NBPF19: variants seen among roughly 807,000 people sequenced by gnomAD.
The protein encoded by NBPF19 is NBPF member 19, also known as NBPF family member NBPF19.
In NBPF19, 30 loss-of-function variants were observed where a neutral mutation model predicts 45.9. The observed-to-expected ratio is 0.65, with a 90% CI of 0.49 to 0.89. The LOEUF (loss-of-function observed/expected upper bound fraction) is 0.89. Ranked by LOEUF, NBPF19 falls within the 40% of genes least tolerant of loss-of-function variation. The pLI is 0.00. For missense variants in NBPF19, 495 were observed against 471.8 expected (o/e 1.05, Z -0.46); for synonymous variants, 183 against 181.2 (o/e 1.01, Z -0.08).
chr1:149,487,942 T>G lies in NBPF19; in HGVS notation c.1041-71T>G, dbSNP rs1460242166. On this transcript the variant is annotated intron_variant, in intron 9 of 93. Transcript: ENST00000651566. The stretch of plus-strand genomic sequence containing the variant: ...TTCAAACTCTTCCTTATGTTAGCCA[T>G]GAAATCTAGCTGGGGCTGTGTGGTT... The G allele has an allele frequency of 5.6e-6, 4 of 717,524 alleles. No homozygotes were observed. The African/African-American group carries it at 7.1e-5, about 13-fold the overall frequency. The allele number at this position is 717,524 out of a possible 1,614,324, so 44.4% of individuals were successfully genotyped here.
In NBPF19 at chr1:149,554,715, A is replaced by G; in HGVS notation, c.11509A>G (p.Met3837Val). The part of the protein sequence containing the change: ...TVTSLHLVFQ[M>V]LVIFPQ ...GACAAGTCTCCATCTGGTGTTCCAG[A>G]TGTTAGTCATATTCCCACAATAGGC... Residue 3837 changes from methionine to valine, a missense_variant, in exon 94 of 94, where the codon ATG (methionine) becomes GTG (valine). By Grantham distance (21) the Met-to-Val change is conservative. Transcript: ENST00000651566. 1 of 1,608,202 alleles carries G rather than the reference A, an allele frequency of 6.2e-7. No homozygotes were observed. Among genetic ancestry groups the G allele is most frequent in the Non-Finnish European group, 8.5e-7 (1 of 1,176,686 alleles).
Position 149,487,589 on chromosome 1 carries a change from A to G in NBPF19, c.1040+206A>G, listed in dbSNP as rs1333071086. Among the ~76,000 whole-genome samples the G allele has an allele frequency of 1.8e-3, 273 of 150,708 alleles. 6 individuals carry two copies. The highest frequency in any genetic ancestry group is 2.1e-3 in the Non-Finnish European group (143 of 67,474). ...CCTTATCATTTACTAACCTAGTGAA[A>G]GTTGACCATACCTCAAAAGCTGTAT... On this transcript the variant is annotated intron_variant, in intron 9 of 93. Coordinates refer to ENST00000651566, the MANE Select transcript of NBPF19 (RefSeq NM_001351365.2).
At chr1:149,477,049 A>C (rs1412353361) in intron 2 of NBPF19, among the ~76,000 whole-genome samples, 2 of 150,590 alleles carry the variant, frequency 1.3e-5, no homozygotes, top group African/African-American at 2.4e-5. Flanking sequence ...TAAAGAGGAA[A>C]GATCACACCG....
Position 149,478,911 on chromosome 1 carries a change from C to T in NBPF19, c.310C>T (p.Arg104Ter), listed in dbSNP as rs1430473433. The T allele has an allele frequency of 1.4e-4, 232 of 1,606,278 alleles. 1 individual carries two copies. The highest frequency in any genetic ancestry group is 1.4e-3 in the East Asian group (63 of 44,818). The change falls in exon 4 of 94, where the codon CGA becomes TGA. Residue 104 changes from arginine to a stop codon, truncating the protein, a stop_gained. Coordinates refer to ENST00000651566, the MANE Select transcript of NBPF19 (RefSeq NM_001351365.2). LOFTEE classifies it high-confidence loss of function. ...TAAAGTCCTGTTTCACTCTCAGGAACGAGAGCTGACCCAGTTAAGGGAGAA... is the reference window on the plus strand; with the variant it reads ...TAAAGTCCTGTTTCACTCTCAGGAATGAGAGCTGACCCAGTTAAGGGAGAA... ...QYKVLFHSQE[R>*]ELTQLREKLR...
intron 9 of NBPF19, 97 bp downstream of exon 9, chr1:149,487,480 T>C: frequency 1.0e-6 from 1 of 987,196 alleles, no homozygotes; most frequent in Non-Finnish European, 1.6e-6. Flanking sequence ...TGATTTTGTC[T>C]TGTCAGACAA....
At chr1:149,487,809 G>GTGTT (rs2085687080) in intron 9 of NBPF19, among the ~76,000 whole-genome samples, 2 of 149,596 alleles carry the variant, frequency 1.3e-5, no homozygotes, top group African/African-American at 5.0e-5. Context: ...GTGTGTGTGT[G>GTGTT]TGTGTGTGTG....
rs2085650147 is a variant in NBPF19 at position 149,487,659 on chromosome 1, T to G, written c.1040+276T>G. Among the ~76,000 whole-genome samples the G allele has an allele frequency of 2.0e-5, 3 of 150,142 alleles. 1 individual carries two copies. Among genetic ancestry groups the G allele is most frequent in the Non-Finnish European group, 4.5e-5 (3 of 67,264 alleles). On this transcript the variant is annotated intron_variant, in intron 9 of 93. Transcript: ENST00000651566. ...AAACTTGAGCACATTTTATGCAAAA[T>G]TATTGAGGACATGCTTTTCATGATC...
chr1:149,555,761 CAAT>C lies in NBPF19; in HGVS notation c.*1024_*1026del, dbSNP rs1308001110. On this transcript the variant is annotated 3_prime_UTR_variant, in exon 94 of 94. Coordinates refer to ENST00000651566, the MANE Select transcript of NBPF19 (RefSeq NM_001351365.2). Reference sequence around the variant, plus strand: ...TAGAGGACAGGTCAGCTCTCTGGCTCAATGATCTACATTCTGAAGTTGTCTGAA... The same window carrying C: ...TAGAGGACAGGTCAGCTCTCTGGCTCGATCTACATTCTGAAGTTGTCTGAA... 1 of 151,104 alleles carries C rather than the reference CAAT, an allele frequency of 6.6e-6. No homozygotes were observed. The highest frequency in any genetic ancestry group is 2.4e-5 in the African/African-American group (1 of 41,190). 9.4% of individuals were successfully genotyped at this position (151,104 alleles called of 1,614,324 possible). A position where few individuals can be genotyped will look rare whatever the true frequency, so the allele number is the denominator to read the frequency against.
rs1363084782 is a variant in NBPF19, at chr1:149,487,643, C to G, written c.1040+260C>G. Among the ~76,000 whole-genome samples the G allele has an allele frequency of 1.4e-3, 204 of 150,538 alleles. 1 individual carries two copies. The highest frequency in any genetic ancestry group is 4.7e-3 in the African/African-American group (191 of 41,020). ...CATGGTAACTGCAGGGAAACTTGAG[C>G]ACATTTTATGCAAAATTATTGAGGA... On this transcript the variant is annotated intron_variant, in intron 9 of 93. Coordinates refer to ENST00000651566, the MANE Select transcript of NBPF19 (RefSeq NM_001351365.2).
intron 7 of NBPF19, among the ~76,000 whole-genome samples, chr1:149,483,655 G>T (rs1330094740): frequency 6.9e-6 from 1 of 145,728 alleles, no homozygotes; most frequent in Non-Finnish European, 1.5e-5. Context: ...GCATGTTTTT[G>T]CAGTGGCTGG....
intron 7 of NBPF19, among the ~76,000 whole-genome samples, chr1:149,484,552 T>C (rs1255734359): frequency 1.4e-5 from 2 of 144,204 alleles, no homozygotes; most frequent in Admixed American, 1.4e-4. Context: ...AAACTATACA[T>C]ATGGAAAAAA....
chr1:149,487,600 C>A (rs1255034816), intron 9 of NBPF19, among the ~76,000 whole-genome samples: 3 of 150,656 alleles, frequency 2.0e-5, no homozygotes, highest in Non-Finnish European at 3.0e-5. Flanking sequence ...GTTGACCATA[C>A]CTCAAAAGCT....
rs1210400265 is a variant in NBPF19 at position 149,554,742 on chromosome 1, GC to G, written c.*7del. 6.2e-7 allele frequency: 1 copy of G among 1,607,940 alleles called. No individual in the cohort carries two copies. Among genetic ancestry groups the G allele is most frequent in the Non-Finnish European group, 8.5e-7 (1 of 1,176,560 alleles). On this transcript the variant is annotated 3_prime_UTR_variant, in exon 94 of 94. Coordinates refer to ENST00000651566, the MANE Select transcript of NBPF19 (RefSeq NM_001351365.2). ...GTTAGTCATATTCCCACAATAGGCA[GC>G]CCTTACTAAGCCGAGAGATGTCATT... is the stretch of plus-strand genomic sequence containing the variant.
At chr1:149,487,661 A>G (rs1216438963) in intron 9 of NBPF19, among the ~76,000 whole-genome samples, 4,616 of 150,096 alleles carry the variant, frequency 0.031, 320 homozygotes, top group East Asian at 0.24. Flanking sequence ...ATGCAAAATT[A>G]TTGAGGACAT....
chr1:149,554,632 A>G lies in NBPF19; in HGVS notation c.11426A>G (p.Glu3809Gly). 3.1e-6 allele frequency: 5 copies of G among 1,608,346 alleles called. 1 individual carries two copies. Among genetic ancestry groups the G allele is most frequent in the Non-Finnish European group, 4.2e-6 (5 of 1,176,776 alleles). The change falls in exon 94 of 94, where the codon GAG (glutamate) becomes GGG (glycine). Residue 3809 changes from glutamate to glycine, a missense_variant. Glu to Gly is a moderately conservative substitution (Grantham distance 98). Around this residue, in one of 8 missense-constraint regions of NBPF19, gnomAD observed 248 missense variants for 95.4 expected, o/e 2.60. Coordinates refer to ENST00000651566, the MANE Select transcript of NBPF19 (RefSeq NM_001351365.2). The stretch of plus-strand genomic sequence containing the variant: ...TACAGAAGTGTGTTTTACTCATTTG[A>G]GGAAGAGCATATCAGCTTCGCCCTT... Reference protein sequence around the residue: ...QHYRSVFYSFEEEHISFALYL... With the variant: ...QHYRSVFYSFGEEHISFALYL...
chr1:149,484,501 AAT>A (rs1553710000), intron 7 of NBPF19, among the ~76,000 whole-genome samples: 3 of 140,574 alleles, frequency 2.1e-5, no homozygotes, highest in Admixed American at 7.3e-5. Context: ...TATTAAAAAA[AAT>A]ATATATATAT....
chr1:149,487,743 G>T (rs1446764682), intron 9 of NBPF19, among the ~76,000 whole-genome samples: 9 of 149,856 alleles, frequency 6.0e-5, no homozygotes, highest in African/African-American at 2.2e-4. Flanking sequence ...TCCCTCATCA[G>T]TGTGTCACCT....
rs1341582511 is a variant in NBPF19 at position 149,488,159 on chromosome 1, G to A, written c.1187G>A (p.Arg396His). The change falls in exon 10 of 94, where the codon CGT becomes CAT. Residue 396 changes from arginine to histidine, a missense_variant. Transcript: ENST00000651566. ...RSAFYVLEQQ[R>H]VGLAIDMDEI... ...GCCTTTTACGTATTGGAGCAACAGCGTGTTGGCTTGGCTATTGACATGGAT... is the reference window on the plus strand; with the variant it reads ...GCCTTTTACGTATTGGAGCAACAGCATGTTGGCTTGGCTATTGACATGGAT... The A allele has an allele frequency of 3.7e-5, 25 of 677,100 alleles. No individual in the cohort carries two copies. Among genetic ancestry groups the A allele is most frequent in the East Asian group, 1.4e-4 (5 of 36,506 alleles). The allele number at this position is 677,100 out of a possible 1,614,324, so 41.9% of individuals were successfully genotyped here. A position where few individuals can be genotyped will look rare whatever the true frequency, so the allele number is the denominator to read the frequency against.
chr1:149,554,716 T>G lies in NBPF19; in HGVS notation c.11510T>G (p.Met3837Arg). 6.2e-7 allele frequency: 1 copy of G among 1,608,296 alleles called. No individual in the cohort carries two copies. The highest frequency in any genetic ancestry group is 8.5e-7 in the Non-Finnish European group (1 of 1,176,708). Residue 3837 changes from methionine to arginine, a missense_variant, in exon 94 of 94, where the codon ATG becomes AGG. Met to Arg is a moderately conservative substitution (Grantham distance 91). Coordinates refer to ENST00000651566, the MANE Select transcript of NBPF19 (RefSeq NM_001351365.2). Reference protein sequence around the residue: ...TVTSLHLVFQMLVIFPQ With the variant: ...TVTSLHLVFQRLVIFPQ ...ACAAGTCTCCATCTGGTGTTCCAGA[T>G]GTTAGTCATATTCCCACAATAGGCA... is the stretch of plus-strand genomic sequence containing the variant.
Sources: gnomAD v4.1 joint callset for allele counts (sites outside exome capture counted in the v4.1 genomes callset) on GRCh38, gnomAD v4.1.1 for gene constraint, gnomAD v4.1.1 regional missense constraint, MANE v1.5 for transcripts, NCBI Gene and HGNC (gene_info 2026-07-23, HGNC 2026-07-21) for gene names.